Variants in RNF130 observed in about 807,000 individuals in gnomAD.
The protein encoded by RNF130 is E3 ubiquitin-protein ligase RNF130.
Under a neutral mutation model 44.6 loss-of-function variants are expected in RNF130, and 21 were observed. The ratio of observed to expected loss-of-function variants is 0.47; its 90% CI spans 0.33 to 0.68. RNF130 has a LOEUF of 0.68. Among genes scored for constraint, RNF130 ranks in the 30% least tolerant of loss-of-function variants. The pLI is 0.02. For missense variants in RNF130, 479 were observed against 560.6 expected, an observed-to-expected ratio of 0.85 and a Z score of 1.47; for synonymous variants, 214 against 210.4, an observed-to-expected ratio of 1.02 and a Z score of -0.15.
At chr5:179,984,869 C>G (rs1762919134) in intron 3 of RNF130, among the ~76,000 whole-genome samples, 1 of 152,136 alleles carries the variant, frequency 6.6e-6, no homozygotes. Flanking sequence ...AATGGAAATG[C>G]TCACTAGAGC....
intron 5 of RNF130, among the ~76,000 whole-genome samples, chr5:179,971,800 G>A (rs371070754): frequency 6.6e-6 from 1 of 152,158 alleles, no homozygotes; most frequent in Admixed American, 6.5e-5. Context: ...ATAAAAAGAG[G>A]TCTAGAGAAC....
intron 7 of RNF130, among the ~76,000 whole-genome samples, chr5:179,925,398 C>T (rs1217623972): frequency 6.6e-6 from 1 of 152,220 alleles, no homozygotes; most frequent in African/African-American, 2.4e-5. Context: ...GGGGAGGGCA[C>T]TGAACTCCAA....
At chr5:180,067,452 A>G (rs1440099724) in intron 1 of RNF130, among the ~76,000 whole-genome samples, 1 of 152,196 alleles carries the variant, frequency 6.6e-6, no homozygotes, top group Non-Finnish European at 1.5e-5. Flanking sequence ...GTAAATGTAG[A>G]TAACGTTTAG....
chr5:180,027,979 G>A (rs1368514815), intron 2 of RNF130, among the ~76,000 whole-genome samples: 3 of 152,126 alleles, frequency 2.0e-5, no homozygotes, highest in South Asian at 4.1e-4. Context: ...AAATCCTCCC[G>A]TGTTACTAAG....
chr5:180,014,527 C>A (rs574334502), intron 2 of RNF130, among the ~76,000 whole-genome samples: 1 of 152,020 alleles, frequency 6.6e-6, no homozygotes, highest in Admixed American at 6.6e-5. Flanking sequence ...CAATGTAAAC[C>A]AACAAAACAA....
chr5:179,935,547 C>T (rs1026354379), intron 7 of RNF130, among the ~76,000 whole-genome samples: 1 of 151,758 alleles, frequency 6.6e-6, no homozygotes, highest in Admixed American at 6.6e-5. Flanking sequence ...CATTTTAAAT[C>T]TATCTTTGAG....
At chr5:179,945,047 C>T (rs569372208) in intron 7 of RNF130, among the ~76,000 whole-genome samples, 82 of 152,214 alleles carry the variant, frequency 5.4e-4, no homozygotes, top group African/African-American at 1.9e-3. Context: ...GAGGCCAAGG[C>T]GGGTGGATCG....
chr5:180,039,402 A>G (rs907575305), intron 2 of RNF130, among the ~76,000 whole-genome samples: 2 of 152,012 alleles, frequency 1.3e-5, no homozygotes, highest in African/African-American at 4.8e-5. Flanking sequence ...GTGCCCAGCT[A>G]ATTTTTTTAT....
intron 2 of RNF130, among the ~76,000 whole-genome samples, chr5:180,019,060 G>A (rs983313737): frequency 1.3e-5 from 2 of 152,170 alleles, no homozygotes; most frequent in Non-Finnish European, 2.9e-5. Context: ...ACGTAAAGCA[G>A]AACACCATAT....
At chr5:180,023,869 T>C (rs1039407308) in intron 2 of RNF130, among the ~76,000 whole-genome samples, 2 of 152,230 alleles carry the variant, frequency 1.3e-5, no homozygotes, top group African/African-American at 4.8e-5. Flanking sequence ...AGTTATCATA[T>C]GGCAGGGGGA....
chr5:179,981,000 G>A (rs967607668), intron 3 of RNF130, among the ~76,000 whole-genome samples: 1 of 152,150 alleles, frequency 6.6e-6, no homozygotes, highest in Non-Finnish European at 1.5e-5. Flanking sequence ...GAGGGGTGGG[G>A]CGAGGCAGGG....
exon 8 of RNF130, chr5:179,920,237 A>G (rs1026005731): frequency 3.1e-6 from 2 of 654,426 alleles, no homozygotes; most frequent in African/African-American, 3.6e-5. Flanking sequence ...GGATGCTGAC[A>G]GGAGAATACA....
intron 1 of RNF130, among the ~76,000 whole-genome samples, chr5:180,065,027 T>C (rs908898484): frequency 2.0e-5 from 3 of 152,132 alleles, no homozygotes; most frequent in Admixed American, 2.0e-4. Context: ...CTTTTCTTAC[T>C]AGAGAAAAAA....
intron 3 of RNF130, among the ~76,000 whole-genome samples, chr5:180,005,597 ACT>A (rs1763448029): frequency 6.6e-6 from 1 of 151,580 alleles, no homozygotes; most frequent in Admixed American, 6.6e-5. Flanking sequence ...CAGTCATTCA[ACT>A]CTTTCATCTC....
intron 7 of RNF130, among the ~76,000 whole-genome samples, chr5:179,966,199 T>C (rs1477441033): frequency 6.6e-6 from 1 of 152,194 alleles, no homozygotes; most frequent in Non-Finnish European, 1.5e-5. Flanking sequence ...GACAGTGCAA[T>C]GTGAAGACGT....
At chr5:180,056,904 A>T (rs1764837492) in intron 1 of RNF130, among the ~76,000 whole-genome samples, 3 of 152,236 alleles carry the variant, frequency 2.0e-5, no homozygotes, top group Admixed American at 2.0e-4. Flanking sequence ...AGCAAAAGAA[A>T]CTAGTCACAA....
chr5:179,925,568 C>T (rs962582574), intron 7 of RNF130, among the ~76,000 whole-genome samples: 35 of 151,726 alleles, frequency 2.3e-4, no homozygotes, highest in African/African-American at 8.5e-4. Context: ...ACTCTGTTGC[C>T]CAAGCTGGAG....
chr5:180,045,010 C>T (rs1237830576), intron 1 of RNF130, among the ~76,000 whole-genome samples: 1 of 152,040 alleles, frequency 6.6e-6, no homozygotes, highest in Admixed American at 6.5e-5. Flanking sequence ...CTGAAACTTG[C>T]GCAGCCAGGA....
chr5:179,989,193 G>T (rs1039017188), intron 3 of RNF130, among the ~76,000 whole-genome samples: 1 of 152,182 alleles, frequency 6.6e-6, no homozygotes, highest in Non-Finnish European at 1.5e-5. Context: ...GATCTTGTGA[G>T]AACTCACTCT....
Sources: allele counts gnomAD v4.1 joint callset (sites outside exome capture counted in the v4.1 genomes callset), GRCh38; gene constraint gnomAD v4.1.1; transcripts MANE v1.5; gene names NCBI Gene and HGNC (gene_info 2026-07-23, HGNC 2026-07-21).